The following RARA variants were observed in gnomAD, a reference collection of about 807,000 sequenced individuals.
RARA encodes the protein PML-DDX5-RARA fusion.
In RARA, 5 loss-of-function variants were observed where a neutral mutation model predicts 42.8. That is an observed-to-expected ratio of 0.12 (90% confidence interval 0.06 to 0.25). The LOEUF is 0.25. Ranked by LOEUF, RARA falls within the 10% of genes least tolerant of loss-of-function variation. The probability of loss-of-function intolerance (pLI) is 1.00; values close to 1 mark genes in which losing one functional copy is unlikely to be tolerated. For missense variants in RARA, 402 were observed against 628.7 expected, an observed-to-expected ratio of 0.64 and a Z score of 3.86; for synonymous variants, 256 against 259.5, an observed-to-expected ratio of 0.99 and a Z score of 0.13.
At chr17:40,341,332 GTGTT>G in intron 2 of RARA, 7 of 1,414,224 alleles carry the variant, frequency 4.9e-6, no homozygotes, top group Non-Finnish European at 6.5e-6. Flanking sequence ...CCCTCTGCCT[GTGTT>G]TGTGCCAACA....
intron 1 of RARA, among the ~76,000 whole-genome samples, chr17:40,321,350 C>A (rs535992555): frequency 8.5e-5 from 13 of 152,116 alleles, no homozygotes; most frequent in Non-Finnish European, 1.3e-4. Context: ...CTCGCTCCCC[C>A]CTAGCTGGGA....
intron 2 of RARA, among the ~76,000 whole-genome samples, chr17:40,334,380 C>T (rs2033786428): frequency 6.6e-6 from 1 of 152,198 alleles, no homozygotes; most frequent in Non-Finnish European, 1.5e-5. Flanking sequence ...ACTTCTCTCC[C>T]TGCCCAGACC....
intron 2 of RARA, among the ~76,000 whole-genome samples, chr17:40,336,350 A>G (rs1483085444): frequency 6.6e-6 from 1 of 152,174 alleles, no homozygotes; most frequent in African/African-American, 2.4e-5. Flanking sequence ...TGCTGGGATT[A>G]CAGGTGTGAG....
intron 1 of RARA, among the ~76,000 whole-genome samples, chr17:40,327,261 C>T (rs905497531): frequency 6.6e-6 from 1 of 152,178 alleles, no homozygotes; most frequent in Non-Finnish European, 1.5e-5. Context: ...AAACTGGCCT[C>T]CCGACCCCCA....
chr17:40,342,189 G>A (rs1209334041), intron 2 of RARA: 6 of 1,053,500 alleles, frequency 5.7e-6, no homozygotes, highest in Non-Finnish European at 6.9e-6. Context: ...GACCGAGCGA[G>A]TCGCCAGCTG....
At chr17:40,315,171 TAC>T (rs71355449) in intron 1 of RARA, among the ~76,000 whole-genome samples, 151 of 76,532 alleles carry the variant, frequency 2.0e-3, no homozygotes, top group Middle Eastern at 7.7e-3. Context: ...TATATATATA[TAC>T]ACACACACAC....
chr17:40,352,092 C>CAGGG lies in RARA; in HGVS notation c.630+23_630+26dup. 2 of 1,537,924 alleles carry CAGGG rather than the reference C, an allele frequency of 1.3e-6. No homozygotes were observed. Among genetic ancestry groups the CAGGG allele is most frequent in the Non-Finnish European group, 1.7e-6 (2 of 1,148,798 alleles). ...TACGGTATGGCTTTCCCCCGGCCTG[C>CAGGG]AGGGTGGGATTTGCCCAGGGCCACA... is the stretch of plus-strand genomic sequence containing the variant. On this transcript the variant is annotated intron_variant, in intron 5 of 8. Transcript: ENST00000254066. This position sits in a 1 kb window ranked among gnomAD's most constrained non-coding sequence, Gnocchi z 4.9.
At chr17:40,343,951 G>A (rs1001185385) in intron 2 of RARA, among the ~76,000 whole-genome samples, 1 of 152,172 alleles carries the variant, frequency 6.6e-6, no homozygotes, top group African/African-American at 2.4e-5. Flanking sequence ...GGGAGCAGGC[G>A]CAAGGGGGTT....
intron 2 of RARA, chr17:40,342,558 A>C: frequency 2.2e-6 from 3 of 1,336,474 alleles, no homozygotes; most frequent in Non-Finnish European, 2.9e-6. Context: ...ACTTCAGGGC[A>C]GGGGGCGCCC....
In RARA at chr17:40,356,345, G is replaced by A. The variant is rs1319335890; in HGVS notation, c.*119G>A. On this transcript the variant is annotated 3_prime_UTR_variant, in exon 9 of 9. Transcript: ENST00000254066. Reference sequence around the variant, plus strand: ...ACCTGCCCTCCCGGGCAGTACTGGGGACCTTCCCTGGGGGACGGGGAGGGA... The same window carrying A: ...ACCTGCCCTCCCGGGCAGTACTGGGAACCTTCCCTGGGGGACGGGGAGGGA... 2.6e-6 allele frequency: 3 copies of A among 1,155,100 alleles called. No individual in the cohort carries two copies. The highest frequency in any genetic ancestry group is 2.0e-5 in the Admixed American group (1 of 50,514). 71.6% of individuals were successfully genotyped at this position (1,155,100 alleles called of 1,614,324 possible). A position where few individuals can be genotyped will look rare whatever the true frequency, so the allele number is the denominator to read the frequency against.
In RARA at chr17:40,353,239, C is replaced by T. The variant is rs552975425; in HGVS notation, c.807+732C>T. ...GGCCATGCTGAGCTCAGGGGACTGC[C>T]GGGCACTCGGTGAGGTGAGCCCGAG... is the stretch of plus-strand genomic sequence containing the variant. On this transcript the variant is annotated intron_variant, in intron 6 of 8. Coordinates refer to ENST00000254066, the MANE Select transcript of RARA (RefSeq NM_000964.4). Among the ~76,000 whole-genome samples, 143 of 151,362 alleles carry T rather than the reference C, an allele frequency of 9.4e-4. 1 individual carries two copies. Among genetic ancestry groups the T allele is most frequent in the African/African-American group, 2.1e-3 (86 of 41,176 alleles).
rs1047973059 is a variant in RARA at position 40,320,734 on chromosome 17, G to T, written c.-362-10123G>T. The stretch of plus-strand genomic sequence containing the variant: ...GACAGGACTTAGGCTAGGCTGGAGG[G>T]GTGGTTTCTTTTGACCTCTGTGGGG... On this transcript the variant is annotated intron_variant, in intron 1 of 8. Coordinates refer to ENST00000254066, the MANE Select transcript of RARA (RefSeq NM_000964.4). The surrounding 1 kb of genome is among the most constrained non-coding windows in gnomAD (Gnocchi z 4.1). 2.0e-5 allele frequency among the ~76,000 whole-genome samples: 3 copies of T among 152,300 alleles called. No individual in the cohort carries two copies. In the South Asian group the frequency reaches 6.2e-4, roughly 32 times the overall value.
intron 4 of RARA, among the ~76,000 whole-genome samples, chr17:40,350,925 C>A (rs898157128): frequency 1.3e-5 from 2 of 152,020 alleles, no homozygotes; most frequent in African/African-American, 4.8e-5. Flanking sequence ...ACCTTCTGCT[C>A]TTTTCATGGC....
At chr17:40,313,478 C>CTGTGGGG (rs2033133880) in intron 1 of RARA, among the ~76,000 whole-genome samples, 1 of 152,168 alleles carries the variant, frequency 6.6e-6, no homozygotes, top group African/African-American at 2.4e-5. Flanking sequence ...GCTCTCCCCA[C>CTGTGGGG]AGGCCACCAT....
rs2034046360 is a variant in RARA, at chr17:40,341,630, C to T, written c.179-6686C>T. 3 of 1,346,826 alleles carry T rather than the reference C, an allele frequency of 2.2e-6. No homozygotes were observed. In the East Asian group the frequency reaches 9.3e-5, roughly 42 times the overall value. 83.4% of individuals were successfully genotyped at this position (1,346,826 alleles called of 1,614,324 possible). A position where few individuals can be genotyped will look rare whatever the true frequency, so the allele number is the denominator to read the frequency against. ...CACGGGCAGCGGTGGGTGGGTCACTCGGAGGTGAGGCGCCGCCAGGCGAGT... is the reference window on the plus strand; with the variant it reads ...CACGGGCAGCGGTGGGTGGGTCACTTGGAGGTGAGGCGCCGCCAGGCGAGT... On this transcript the variant is annotated intron_variant, in intron 2 of 8. Coordinates refer to ENST00000254066, the MANE Select transcript of RARA (RefSeq NM_000964.4).
chr17:40,325,336 C>A (rs2033509635), intron 1 of RARA, among the ~76,000 whole-genome samples: 1 of 151,994 alleles, frequency 6.6e-6, no homozygotes, highest in African/African-American at 2.4e-5. Context: ...GCAGCCCAGA[C>A]CCTGGTGAAC....
At chr17:40,327,741 A>C (rs1292718681) in intron 1 of RARA, among the ~76,000 whole-genome samples, 1 of 152,194 alleles carries the variant, frequency 6.6e-6, no homozygotes, top group Non-Finnish European at 1.5e-5. Flanking sequence ...GTAGACCTGC[A>C]TGCATGAGTT....
intron 4 of RARA, 67 bp downstream of exon 4, chr17:40,349,992 G>A (rs2034390572): frequency 8.8e-6 from 14 of 1,587,694 alleles, no homozygotes; most frequent in Non-Finnish European, 1.1e-5. Context: ...TAAAGACCAA[G>A]GGAGCAGGGC....
Position 40,356,922 on chromosome 17 carries a change from A to G in RARA, c.*696A>G, listed in dbSNP as rs879179749. 1.2e-5 allele frequency: 5 copies of G among 401,212 alleles called. No homozygotes were observed. Among genetic ancestry groups the G allele is most frequent in the South Asian group, 9.5e-5 (4 of 42,218 alleles). 24.9% of individuals were successfully genotyped at this position (401,212 alleles called of 1,614,324 possible). ...CTCCTTTCATGTCCCTGTGCCCCCC[A>G]GTTCTCCTCCTCAGCCTTTTCCTCC... is the stretch of plus-strand genomic sequence containing the variant. On this transcript the variant is annotated 3_prime_UTR_variant, in exon 9 of 9. Coordinates refer to ENST00000254066, the MANE Select transcript of RARA (RefSeq NM_000964.4).
Sources: gnomAD v4.1 joint callset for allele counts (sites outside exome capture counted in the v4.1 genomes callset) on GRCh38, gnomAD v4.1.1 for gene constraint, Gnocchi (gnomAD v3.1) non-coding constraint, MANE v1.5 for transcripts, NCBI Gene and HGNC (gene_info 2026-07-23, HGNC 2026-07-21) for gene names.